ARL5B: variants seen among roughly 807,000 people sequenced by gnomAD.
ARL5B encodes ADP-ribosylation factor-like protein 5B.
In ARL5B, 10 loss-of-function variants were observed where a neutral mutation model predicts 26.9. That is an observed-to-expected ratio of 0.37 (90% CI 0.23 to 0.63). ARL5B has a LOEUF of 0.63. Ranked by LOEUF, ARL5B falls within the 30% of genes least tolerant of loss-of-function variation. The probability of loss-of-function intolerance (pLI) is 0.62; values close to 1 mark genes in which losing one functional copy is unlikely to be tolerated. For synonymous variants in ARL5B, 87 were observed against 70.4 expected, an observed-to-expected ratio of 1.24 and a Z score of -1.18; for missense variants, 167 against 213.9, an observed-to-expected ratio of 0.78 and a Z score of 1.37.
At chr10:18,668,262 T>C (rs529505171) in intron 2 of ARL5B, among the ~76,000 whole-genome samples, 2 of 152,018 alleles carry the variant, frequency 1.3e-5, no homozygotes, top group East Asian at 1.9e-4. Context: ...GCCACAGAAA[T>C]GCAAATTCAC....
intron 2 of ARL5B, among the ~76,000 whole-genome samples, chr10:18,668,165 A>T (rs751286687): frequency 6.6e-6 from 1 of 152,172 alleles, no homozygotes; most frequent in Non-Finnish European, 1.5e-5. Context: ...CTATTTTGCA[A>T]TCACCTAGAA....
chr10:18,659,916 A>T, intron 1 of ARL5B: 1 of 985,362 alleles, frequency 1.0e-6, no homozygotes, highest in Non-Finnish European at 1.2e-6. Context: ...CAGAATCCAA[A>T]CTGAGAATGT....
At chr10:18,671,773 C>T (rs1261569729) in intron 3 of ARL5B, among the ~76,000 whole-genome samples, 1 of 151,862 alleles carries the variant, frequency 6.6e-6, no homozygotes, top group Non-Finnish European at 1.5e-5. Context: ...CAAAGCAGTC[C>T]TCCCACCTTA....
Position 18,679,893 on chromosome 10 carries a change from CT to C in ARL5B, c.*4678del, listed in dbSNP as rs1242342092. On this transcript the variant is annotated 3_prime_UTR_variant, in exon 6 of 6. Transcript: ENST00000377275. The stretch of plus-strand genomic sequence containing the variant: ...GGGTACTTAAAATTACTAAAAAATA[CT>C]GTCTTTTTACCATACAGCTAGATGG... 6.6e-6 allele frequency: 1 copy of C among 151,980 alleles called. No individual in the cohort carries two copies. The highest frequency in any genetic ancestry group is 1.5e-5 in the Non-Finnish European group (1 of 67,818). The allele number at this position is 151,980 out of a possible 1,614,324, so 9.4% of individuals were successfully genotyped here.
rs2059910343 is a variant in ARL5B, at chr10:18,676,401, A to G, written c.*1185A>G. ...AATATTAATAGGAGACTCAAAGTTAATATTCTTAACAACTTAAAATTAAAA... is the reference window on the plus strand; with the variant it reads ...AATATTAATAGGAGACTCAAAGTTAGTATTCTTAACAACTTAAAATTAAAA... On this transcript the variant is annotated 3_prime_UTR_variant, in exon 6 of 6. Transcript: ENST00000377275. 1 of 152,074 alleles carries G rather than the reference A, an allele frequency of 6.6e-6. No homozygotes were observed. The highest frequency in any genetic ancestry group is 2.1e-4 in the South Asian group (1 of 4,832). 9.4% of individuals were successfully genotyped at this position (152,074 alleles called of 1,614,324 possible). A position where few individuals can be genotyped will look rare whatever the true frequency, so the allele number is the denominator to read the frequency against.
chr10:18,665,308 G>A (rs555297677), intron 1 of ARL5B, among the ~76,000 whole-genome samples: 1 of 152,206 alleles, frequency 6.6e-6, no homozygotes, highest in East Asian at 1.9e-4. Context: ...ACTCCAGCCT[G>A]GGCAACAAAG....
At position 18,659,610 on chromosome 10, in the gene ARL5B, G is replaced by A. The variant is rs768930512; in HGVS notation, c.-28G>A. 1.2e-6 allele frequency: 2 copies of A among 1,604,344 alleles called. No individual in the cohort carries two copies. Among genetic ancestry groups the A allele is most frequent in the South Asian group, 1.1e-5 (1 of 90,136 alleles). On this transcript the variant is annotated 5_prime_UTR_variant, in exon 1 of 6. Transcript: ENST00000377275. Reference sequence around the variant, plus strand: ...GGCGCAGCGGCACCTGCTGCCGAGGGACCCCGCGGCCCGCCCCGGTGCTCG... The same window carrying A: ...GGCGCAGCGGCACCTGCTGCCGAGGAACCCCGCGGCCCGCCCCGGTGCTCG...
chr10:18,680,491 A>G lies in ARL5B; in HGVS notation c.*5275A>G, dbSNP rs41282232. 2.6e-5 allele frequency: 4 copies of G among 152,196 alleles called. No individual in the cohort carries two copies. Among genetic ancestry groups the G allele is most frequent in the Non-Finnish European group, 5.9e-5 (4 of 67,942 alleles). The allele number at this position is 152,196 out of a possible 1,614,324, so 9.4% of individuals were successfully genotyped here. On this transcript the variant is annotated 3_prime_UTR_variant, in exon 6 of 6. Transcript: ENST00000377275. Reference sequence around the variant, plus strand: ...ATCAGTGTTGGTAAGATATCAAATGACTATCAGTTGATCCCAGTCATCAGT... The same window carrying G: ...ATCAGTGTTGGTAAGATATCAAATGGCTATCAGTTGATCCCAGTCATCAGT...
chr10:18,668,792 A>G, intron 3 of ARL5B, 115 bp downstream of exon 3: 3 of 1,062,444 alleles, frequency 2.8e-6, no homozygotes, highest in Non-Finnish European at 3.9e-6. Context: ...TTTTTTTAAG[A>G]CGGAGTCTTG....
chr10:18,665,559 T>G (rs2059857747), intron 1 of ARL5B, among the ~76,000 whole-genome samples: 1 of 152,116 alleles, frequency 6.6e-6, no homozygotes, highest in African/African-American at 2.4e-5. Flanking sequence ...AGTTTAGAAC[T>G]TCAGAGTAGG....
intron 3 of ARL5B, 93 bp downstream of exon 3, chr10:18,668,770 CTT>C (rs34027786): frequency 0.069 from 60,974 of 885,500 alleles, 6 homozygotes; most frequent in Non-Finnish European, 0.075. Flanking sequence ...TGACAGTTGC[CTT>C]TTTTTTTTTT....
intron 2 of ARL5B, among the ~76,000 whole-genome samples, chr10:18,667,982 G>A (rs1343866820): frequency 1.3e-5 from 2 of 152,116 alleles, no homozygotes; most frequent in Non-Finnish European, 2.9e-5. Flanking sequence ...AATTATAGGT[G>A]TGAGCCACCA....
chr10:18,674,899 G>C (rs1026500413), intron 5 of ARL5B, among the ~76,000 whole-genome samples: 2 of 152,028 alleles, frequency 1.3e-5, no homozygotes, highest in African/African-American at 4.8e-5. Context: ...TTTAAAAGGC[G>C]GGGAGTATTT....
At chr10:18,674,272 C>G (rs1251683074) in intron 5 of ARL5B, 137 bp downstream of exon 5, 12 of 708,062 alleles carry the variant, frequency 1.7e-5, no homozygotes, top group Admixed American at 3.9e-5. Context: ...TATAATGTGT[C>G]TCAGGCTTAC....
chr10:18,661,149 G>A (rs1013062017), intron 1 of ARL5B, among the ~76,000 whole-genome samples: 1 of 152,156 alleles, frequency 6.6e-6, no homozygotes, highest in Non-Finnish European at 1.5e-5. Flanking sequence ...GCGCCCAGCG[G>A]TAAAACAGCA....
intron 1 of ARL5B, among the ~76,000 whole-genome samples, chr10:18,664,536 C>G (rs2059852448): frequency 7.2e-6 from 1 of 138,234 alleles, no homozygotes; most frequent in Admixed American, 7.9e-5. Flanking sequence ...CTTCCGGGTT[C>G]ATGCCATTCT....
chr10:18,672,271 T>C (rs2059891467), intron 3 of ARL5B, among the ~76,000 whole-genome samples: 1 of 152,232 alleles, frequency 6.6e-6, no homozygotes, highest in Non-Finnish European at 1.5e-5. Flanking sequence ...GAAGTTTTAG[T>C]GAAAAATATT....
chr10:18,662,356 T>A (rs2059840760), intron 1 of ARL5B, among the ~76,000 whole-genome samples: 1 of 152,236 alleles, frequency 6.6e-6, no homozygotes, highest in South Asian at 2.1e-4. Context: ...TCATGCGTCT[T>A]ATAAATTAGA....
intron 1 of ARL5B, among the ~76,000 whole-genome samples, chr10:18,660,409 C>T (rs1220562138): frequency 6.6e-6 from 1 of 152,010 alleles, no homozygotes; most frequent in Non-Finnish European, 1.5e-5. Flanking sequence ...GAGAAAACAC[C>T]CAGACCAAAA....
Sources: allele counts gnomAD v4.1 joint callset (sites outside exome capture counted in the v4.1 genomes callset), GRCh38; gene constraint gnomAD v4.1.1; transcripts MANE v1.5; gene names NCBI Gene and HGNC (gene_info 2026-07-23, HGNC 2026-07-21).